LRP5: variants seen among roughly 807,000 people sequenced by gnomAD.
LRP5 encodes the protein LDL receptor related protein 5, also known as low-density lipoprotein receptor-related protein 5.
In LRP5, 62 loss-of-function variants were observed where a neutral mutation model predicts 154.1. The observed-to-expected ratio is 0.40, with a 90% confidence interval of 0.33 to 0.50. The LOEUF (loss-of-function observed/expected upper bound fraction) is 0.50. LRP5 is among the 20% of genes least tolerant of loss of function. The pLI is 0.55. For synonymous variants in LRP5, 966 were observed against 1,011.5 expected, an observed-to-expected ratio of 0.96 and a Z score of 0.85; for missense variants, 1,915 against 2,336.7, an observed-to-expected ratio of 0.82 and a Z score of 3.72.
In LRP5 at chr11:68,413,267, G is replaced by A; in HGVS notation, c.2504-422G>A. 1 of 335,160 alleles carries A rather than the reference G, an allele frequency of 3.0e-6. No individual in the cohort carries two copies. The highest frequency in any genetic ancestry group is 5.7e-6 in the Non-Finnish European group (1 of 176,804). 20.8% of individuals were successfully genotyped at this position (335,160 alleles called of 1,614,324 possible). On this transcript the variant is annotated intron_variant, in intron 11 of 22. Transcript: ENST00000294304. This position sits in a 1 kb window ranked among gnomAD's most constrained non-coding sequence, Gnocchi z 5.1. ...AACTCATGTGACCCTGCCAATGAGG[G>A]CGGCCATGTGCATTGCAGCCTGGCC...
At chr11:68,311,005 C>G (rs2098587458), upstream of LRP5, among the ~76,000 whole-genome samples, 1 of 152,024 alleles carries the variant, frequency 6.6e-6, no homozygotes, top group African/African-American at 2.4e-5. Flanking sequence ...TGGAGCTTCC[C>G]TGGCTGCCAT....
At chr11:68,298,713 T>C in the LRP5 span, among the ~76,000 whole-genome samples, 1 of 152,124 alleles carries the variant, frequency 6.6e-6, no homozygotes, top group African/African-American at 2.4e-5. Flanking sequence ...CCTCTAGGAC[T>C]CCACCAGGGA....
intron 6 of LRP5, among the ~76,000 whole-genome samples, chr11:68,389,421 T>C (rs2098645017): frequency 6.6e-6 from 1 of 152,120 alleles, no homozygotes; most frequent in Non-Finnish European, 1.5e-5. Flanking sequence ...CACCGACATT[T>C]ACCAACACTG....
upstream of LRP5, among the ~76,000 whole-genome samples, chr11:68,309,520 A>T (rs1395950749): frequency 6.9e-6 from 1 of 145,676 alleles, no homozygotes; most frequent in Non-Finnish European, 1.5e-5. Flanking sequence ...GGTGTGAGTC[A>T]CCGCATCCAG....
At chr11:68,339,459 T>G (rs1359178380) in intron 1 of LRP5, among the ~76,000 whole-genome samples, 1 of 152,104 alleles carries the variant, frequency 6.6e-6, no homozygotes, top group Admixed American at 6.5e-5. Flanking sequence ...GGGATTCTCT[T>G]GCCTCAGCCT....
intron 13 of LRP5, among the ~76,000 whole-genome samples, chr11:68,421,393 A>G (rs2098665554): frequency 6.6e-6 from 1 of 152,178 alleles, no homozygotes; most frequent in Admixed American, 6.5e-5. Context: ...GTGGTTCTCC[A>G]GACTGCTGTC....
chr11:68,314,426 A>C (rs1156520619), intron 1 of LRP5, among the ~76,000 whole-genome samples: 1 of 152,226 alleles, frequency 6.6e-6, no homozygotes, highest in Non-Finnish European at 1.5e-5. Context: ...GTGGTGATCC[A>C]GGCCTAAAAT....
rs1292593455 is a variant in LRP5, at chr11:68,443,573, ATATATATATATATTTTTT to A, written c.4489-2861_4489-2844del. Among the ~76,000 whole-genome samples, 12 of 43,560 alleles carry A rather than the reference ATATATATATATATTTTTT, an allele frequency of 2.8e-4. 1 individual carries two copies. The East Asian group carries it at 6.6e-3, about 24-fold the overall frequency. 28.6% of individuals were successfully genotyped at this position (43,560 alleles called of 152,430 possible). A position where few individuals can be genotyped will look rare whatever the true frequency, so the allele number is the denominator to read the frequency against. ...TATATATATATATATATATATATAT[ATATATATATATATTTTTT>A]TTTTTTTTGGTTATGTTCAGAAAGG... On this transcript the variant is annotated intron_variant, in intron 21 of 22. Transcript: ENST00000294304.
intron 17 of LRP5, among the ~76,000 whole-genome samples, chr11:68,430,673 G>A (rs1252635770): frequency 6.6e-6 from 1 of 152,096 alleles, no homozygotes; most frequent in Non-Finnish European, 1.5e-5. Context: ...TATTGACAGG[G>A]GTGTGGAGTC....
chr11:68,414,144 A>G, intron 12 of LRP5, 132 bp downstream of exon 12: 1 of 860,080 alleles, frequency 1.2e-6, no homozygotes, highest in Non-Finnish European at 1.9e-6. Flanking sequence ...TGTGCACTGC[A>G]CAAGCTGCAT....
intron 4 of LRP5, 151 bp from the exon 5 acceptor site, chr11:68,365,420 C>T (rs1471673469): frequency 1.1e-5 from 12 of 1,095,830 alleles, no homozygotes; most frequent in Middle Eastern, 3.0e-4. Context: ...ATGGTGCCAG[C>T]GGGGAGGTCC....
chr11:68,357,701 G>A lies in LRP5; in HGVS notation c.540G>A (p.Gly180=), dbSNP rs753676598. Residue 180 remains glycine, a synonymous_variant, in exon 3 of 23, where the codon GGG becomes GGA. Transcript: ENST00000294304. ...WGETPRIERA[G]MDGSTRKIIV... is the part of the protein sequence containing the mutation. ...AGACGCCCCGGATTGAGCGGGCAGGGATGGATGGCAGCACCCGGAAGATCA... is the reference window on the plus strand; with the variant it reads ...AGACGCCCCGGATTGAGCGGGCAGGAATGGATGGCAGCACCCGGAAGATCA... The A allele has an allele frequency of 3.1e-6, 5 of 1,614,184 alleles. No homozygotes were observed. In the South Asian group the frequency reaches 5.5e-5, roughly 18 times the overall value.
intron 6 of LRP5, among the ~76,000 whole-genome samples, chr11:68,388,713 G>C (rs1218136367): frequency 6.6e-6 from 1 of 152,184 alleles, no homozygotes; most frequent in Admixed American, 6.5e-5. Flanking sequence ...TCAGATGTGA[G>C]GCTGCCCCAG....
At chr11:68,352,948 G>A (rs1402806163) in intron 2 of LRP5, among the ~76,000 whole-genome samples, 1 of 151,970 alleles carries the variant, frequency 6.6e-6, no homozygotes, top group Admixed American at 6.6e-5. Flanking sequence ...TTGGTGTCCA[G>A]TTGAGAGGTG....
chr11:68,345,007 C>T (rs1217614793), intron 1 of LRP5, among the ~76,000 whole-genome samples: 5 of 151,562 alleles, frequency 3.3e-5, no homozygotes, highest in Non-Finnish European at 5.9e-5. Context: ...GAACTACAGG[C>T]GCGTGCCACC....
chr11:68,376,238 A>G (rs913236912), intron 5 of LRP5, among the ~76,000 whole-genome samples: 2 of 144,128 alleles, frequency 1.4e-5, no homozygotes, highest in African/African-American at 2.6e-5. Context: ...CTGGAGTGCA[A>G]TGGCGCGATC....
At chr11:68,381,980 A>G (rs1274614742) in intron 5 of LRP5, among the ~76,000 whole-genome samples, 2 of 152,208 alleles carry the variant, frequency 1.3e-5, no homozygotes, top group African/African-American at 2.4e-5. Flanking sequence ...CTGGCTGGAC[A>G]GAGTCCCCAC....
At chr11:68,392,341 T>C (rs2098646794) in intron 7 of LRP5, among the ~76,000 whole-genome samples, 1 of 151,708 alleles carries the variant, frequency 6.6e-6, no homozygotes, top group South Asian at 2.1e-4. Context: ...CAGTCTCTAC[T>C]AAAAATACAA....
At chr11:68,376,806 G>T (rs532882444) in intron 5 of LRP5, among the ~76,000 whole-genome samples, 1 of 152,224 alleles carries the variant, frequency 6.6e-6, no homozygotes, top group Non-Finnish European at 1.5e-5. Context: ...CTAAAGGGGG[G>T]AGTGTGGCCT....
Sources: gnomAD v4.1 joint callset for allele counts (sites outside exome capture counted in the v4.1 genomes callset) on GRCh38, gnomAD v4.1.1 for gene constraint, Gnocchi (gnomAD v3.1) non-coding constraint, MANE v1.5 for transcripts, NCBI Gene and HGNC (gene_info 2026-07-23, HGNC 2026-07-21) for gene names.